The following PAGE4 variants were observed in gnomAD, a reference collection of about 807,000 sequenced individuals.
PAGE4 encodes the protein PAGE family member 4.
A neutral mutation model predicts 8.5 loss-of-function variants in PAGE4; 1 was observed. The observed-to-expected ratio is 0.12, with a 90% CI of 0.04 to 0.56. PAGE4 has a LOEUF of 0.56. PAGE4 is among the 20% of genes least tolerant of loss of function. The pLI is 0.91. For missense variants in PAGE4, 93 were observed against 82.7 expected (o/e 1.13, Z -0.49); for synonymous variants, 26 against 26.3 (o/e 0.99, Z 0.04).
intron 1 of PAGE4, 47 bp from the exon 2 acceptor site, chrX:49,830,352 A>C (rs782472245): frequency 1.7e-5 from 10 of 600,313 alleles, no homozygotes; most frequent in Non-Finnish European, 2.3e-5. Flanking sequence ...TACAATCAGC[A>C]GATGGCCATG....
intron 3 of PAGE4, chrX:49,831,380 A>G (rs1329716943): frequency 7.6e-6 from 2 of 263,924 alleles, no homozygotes; most frequent in Admixed American, 1.4e-4. Context: ...AAACTGTTTC[A>G]TGAGTTAAAC....
rs1472791862 is a variant in PAGE4, at chrX:49,831,033, A to T, written c.115A>T (p.Asn39Tyr). ...ESQQEEPPTD[N>Y]QDIEPGQERE... ...TCAGCAAGAGGAACCACCAACTGACAATCAGGATATTGAACCTGGACAAGA... is the reference window on the plus strand; with the variant it reads ...TCAGCAAGAGGAACCACCAACTGACTATCAGGATATTGAACCTGGACAAGA... Residue 39 changes from asparagine to tyrosine, a missense_variant, in exon 3 of 5, where the codon AAT becomes TAT. By Grantham distance (143) the Asn-to-Tyr change is moderately radical. Transcript: ENST00000218068. The T allele has an allele frequency of 8.4e-7, 1 of 1,193,427 alleles. No homozygotes were observed. Among genetic ancestry groups the T allele is most frequent in the Non-Finnish European group, 1.1e-6 (1 of 886,648 alleles).
Position 49,830,518 on chromosome X carries a change from T to C in PAGE4, c.78+12T>C. 1 of 1,113,526 alleles carries C rather than the reference T, an allele frequency of 9.0e-7. No individual in the cohort carries two copies. Among genetic ancestry groups the C allele is most frequent in the African/African-American group, 1.8e-5 (1 of 55,764 alleles). The allele number at this position is 1,113,526 out of a possible 1,213,427, so 91.8% of individuals were successfully genotyped here. A position where few individuals can be genotyped will look rare whatever the true frequency, so the allele number is the denominator to read the frequency against. ...TTGCATTCGTGGCTGTGAGTACATTTCAGTATCTTATTTCCATTGGCAGAA... is the reference window on the plus strand; with the variant it reads ...TTGCATTCGTGGCTGTGAGTACATTCCAGTATCTTATTTCCATTGGCAGAA... On this transcript the variant is annotated intron_variant, in intron 2 of 4. Transcript: ENST00000218068.
rs782149235 is a variant in PAGE4, at chrX:49,830,273, A to G, written c.-30-126A>G. On this transcript the variant is annotated intron_variant, in intron 1 of 4. Coordinates refer to ENST00000218068, the MANE Select transcript of PAGE4 (RefSeq NM_007003.4). The stretch of plus-strand genomic sequence containing the variant: ...TTTGCAGATAGATTTATTTGATGTG[A>G]TTGGAAACCAGGCGTAGTTATTATT... 15 of 393,690 alleles carry G rather than the reference A, an allele frequency of 3.8e-5. No individual in the cohort carries two copies. The East Asian group carries it at 5.5e-4, about 15-fold the overall frequency. 32.4% of individuals were successfully genotyped at this position (393,690 alleles called of 1,213,427 possible). A position where few individuals can be genotyped will look rare whatever the true frequency, so the allele number is the denominator to read the frequency against.
intron 3 of PAGE4, among the ~76,000 whole-genome samples, chrX:49,832,292 A>G (rs185664331): frequency 8.6e-4 from 96 of 111,908 alleles, no homozygotes; most frequent in African/African-American, 2.6e-3. Flanking sequence ...ATTTACAGTA[A>G]CAGAAGTATA....
At chrX:49,830,374 G>A in intron 1 of PAGE4, 25 bp from the exon 2 acceptor site, 1 of 836,592 alleles carries the variant, frequency 1.2e-6, no homozygotes, top group Admixed American at 2.9e-5. Context: ...AAAGAGTCAA[G>A]TATAATTACT....
intron 3 of PAGE4, among the ~76,000 whole-genome samples, chrX:49,832,269 G>T (rs180992913): frequency 1.3e-3 from 150 of 111,750 alleles, no homozygotes; most frequent in African/African-American, 4.1e-3. Context: ...ACAAATAACT[G>T]CTGTAATGAG....
At chrX:49,831,633 A>G in intron 3 of PAGE4, among the ~76,000 whole-genome samples, 1 of 112,096 alleles carries the variant, frequency 8.9e-6, no homozygotes, top group East Asian at 2.8e-4. Context: ...CTTAAAATGT[A>G]AGGAAAAGTT....
intron 2 of PAGE4, 22 bp downstream of exon 2, chrX:49,830,528 AT>A: frequency 9.5e-7 from 1 of 1,054,709 alleles, no homozygotes. Context: ...TCAGTATCTT[AT>A]TTCCATTGGC....
intron 4 of PAGE4, 109 bp from the exon 5 acceptor site, chrX:49,833,737 T>A: frequency 1.8e-6 from 1 of 542,016 alleles, no homozygotes; most frequent in Non-Finnish European, 3.1e-6. Flanking sequence ...AGCGTTCTGG[T>A]TTTAATTTCA....
chrX:49,831,083 A>C lies in PAGE4; in HGVS notation c.165A>C (p.Glu55Asp). Reference protein sequence around the residue: ...GQEREGTPPIEERKVEGDCQE... With the variant: ...GQEREGTPPIDERKVEGDCQE... Reference sequence around the variant, plus strand: ...AGAGAGAAGGAACACCTCCGATCGAAGGTGAGAAGGGCATGGAGGAGCATT... The same window carrying C: ...AGAGAGAAGGAACACCTCCGATCGACGGTGAGAAGGGCATGGAGGAGCATT... The change falls in exon 3 of 5, where the codon GAA becomes GAC. Residue 55 changes from glutamate (E) to aspartate (D), a missense_variant and splice_region_variant. By Grantham distance (45) the Glu-to-Asp change is conservative (BLOSUM62 2). Coordinates refer to ENST00000218068, the MANE Select transcript of PAGE4 (RefSeq NM_007003.4). 8.8e-7 allele frequency: 1 copy of C among 1,139,752 alleles called. No homozygotes were observed. The highest frequency in any genetic ancestry group is 1.2e-6 in the Non-Finnish European group (1 of 840,660). 93.9% of individuals were successfully genotyped at this position (1,139,752 alleles called of 1,213,427 possible).
Position 49,830,212 on chromosome X carries a change from T to C in PAGE4, c.-30-187T>C, listed in dbSNP as rs1923433888. 2.8e-5 allele frequency: 10 copies of C among 351,763 alleles called. No homozygotes were observed. In the South Asian group the frequency reaches 7.5e-4, roughly 26 times the overall value. 29.0% of individuals were successfully genotyped at this position (351,763 alleles called of 1,213,427 possible). A position where few individuals can be genotyped will look rare whatever the true frequency, so the allele number is the denominator to read the frequency against. ...TTTTGATCTAGGACTTGAAGATCAC[T>C]TCTCTGCCGAGCTGGCTGTGGAAGA... On this transcript the variant is annotated intron_variant, in intron 1 of 4. Transcript: ENST00000218068.
rs144908613 is a variant in PAGE4 at position 49,830,703 on chromosome X, A to C, written c.78+197A>C. On this transcript the variant is annotated intron_variant, in intron 2 of 4. Transcript: ENST00000218068. ...TATTGTCTGCATATGTATGTTTTTA[A>C]GAGTCTGGAAATAGTCTTATGACTT... 1,027 of 435,048 alleles carry C rather than the reference A, an allele frequency of 2.4e-3. 9 individuals carry two copies. The African/African-American group carries it at 0.024, about 10-fold the overall frequency. 35.9% of individuals were successfully genotyped at this position (435,048 alleles called of 1,213,427 possible). A position where few individuals can be genotyped will look rare whatever the true frequency, so the allele number is the denominator to read the frequency against.
In PAGE4 at chrX:49,834,024, G is replaced by A. The variant is rs782140376; in HGVS notation, c.*162G>A. On this transcript the variant is annotated 3_prime_UTR_variant, in exon 5 of 5. Coordinates refer to ENST00000218068, the MANE Select transcript of PAGE4 (RefSeq NM_007003.4). ...CTAGGAAATTGACACTATTGTAAAT[G>A]GTATCTTTAAAAAATCCTTGTGTTC... is the stretch of plus-strand genomic sequence containing the variant. The A allele has an allele frequency of 2.3e-6, 1 of 432,075 alleles. No individual in the cohort carries two copies. The highest frequency in any genetic ancestry group is 3.8e-5 in the East Asian group (1 of 26,190). 35.6% of individuals were successfully genotyped at this position (432,075 alleles called of 1,213,427 possible).
In PAGE4 at chrX:49,829,350, G is replaced by A. The variant is rs1923402298; in HGVS notation, c.-32G>A. ...TTCGCCAGGCTCTCTGCTGACTCAA[G>A]TGTAAGTGAGAACAGGTGTGAGTGA... On this transcript the variant is annotated splice_region_variant and 5_prime_UTR_variant, in exon 1 of 5. Coordinates refer to ENST00000218068, the MANE Select transcript of PAGE4 (RefSeq NM_007003.4). 1 of 112,543 alleles carries A rather than the reference G, an allele frequency of 8.9e-6. No homozygotes were observed. Among genetic ancestry groups the A allele is most frequent in the African/African-American group, 3.2e-5 (1 of 30,816 alleles). The allele number at this position is 112,543 out of a possible 1,213,427, so 9.3% of individuals were successfully genotyped here.
intron 3 of PAGE4, 50 bp downstream of exon 3, chrX:49,831,134 T>C (rs782064490): frequency 3.7e-6 from 3 of 816,531 alleles, no homozygotes; most frequent in Non-Finnish European, 5.3e-6. Context: ...GATTTTATAC[T>C]AGTAACAGGA....
intron 1 of PAGE4, 167 bp from the exon 2 acceptor site, chrX:49,830,232 G>A (rs1923434294): frequency 1.4e-5 from 5 of 364,531 alleles, no homozygotes; most frequent in African/African-American, 7.6e-5. Flanking sequence ...AGCTGGCTGT[G>A]GAAGAAACAA....
chrX:49,832,053 T>C (rs1027824049), intron 3 of PAGE4, among the ~76,000 whole-genome samples: 3 of 112,140 alleles, frequency 2.7e-5, no homozygotes, highest in African/African-American at 9.7e-5. Context: ...TTGCATATCA[T>C]GACATTGACA....
Position 49,830,286 on chromosome X carries a change from C to T in PAGE4, c.-30-113C>T, listed in dbSNP as rs7891399. ...TTATTTGATGTGATTGGAAACCAGG[C>T]GTAGTTATTATTAACTCAGGACCTA... On this transcript the variant is annotated intron_variant, in intron 1 of 4. Transcript: ENST00000218068. 1.2e-3 allele frequency: 462 copies of T among 399,240 alleles called. 2 individuals are homozygous for T. Among genetic ancestry groups the T allele is most frequent in the African/African-American group, 0.011 (440 of 39,187 alleles). The allele number at this position is 399,240 out of a possible 1,213,427, so 32.9% of individuals were successfully genotyped here.
Sources: allele counts gnomAD v4.1 joint callset (sites outside exome capture counted in the v4.1 genomes callset), GRCh38; gene constraint gnomAD v4.1.1; transcripts MANE v1.5; gene names NCBI Gene and HGNC (gene_info 2026-07-23, HGNC 2026-07-21).